The following TBC1D5 variants were observed in gnomAD, a reference collection of about 807,000 sequenced individuals.
TBC1D5 encodes TBC1 domain family, member 5.
A neutral mutation model predicts 100.3 loss-of-function variants in TBC1D5; 75 were observed. The ratio of observed to expected loss-of-function variants is 0.75; its 90% CI spans 0.62 to 0.91. The LOEUF (loss-of-function observed/expected upper bound fraction) is 0.91. Among genes scored for constraint, TBC1D5 ranks in the 40% least tolerant of loss-of-function variants. TBC1D5 has a pLI of 0.00. For missense variants in TBC1D5, 910 were observed against 942.4 expected, an observed-to-expected ratio of 0.97 and a Z score of 0.45; for synonymous variants, 323 against 325.6, an observed-to-expected ratio of 0.99 and a Z score of 0.09.
Position 17,677,818 on chromosome 3 carries a change from A to G in TBC1D5, c.-100-53905T>C, listed in dbSNP as rs374611359. On this transcript the variant is annotated intron_variant, in intron 1 of 21. Transcript: ENST00000253692. ...ACACCATGGAATACAATGCAGCCAT[A>G]AAAAATGATGAGTTCATGTCCTTTG... Among the ~76,000 whole-genome samples the G allele has an allele frequency of 6.8e-4, 103 of 152,348 alleles. No homozygotes were observed. The East Asian group carries it at 0.017, about 26-fold the overall frequency.
rs190237082 is a variant in TBC1D5, at chr3:17,263,296, G to C, written c.1246-4705C>G. On this transcript the variant is annotated intron_variant, in intron 15 of 21. Transcript: ENST00000253692. ...AGGTAGAACAGCTTGAGTCTGGGAG[G>C]AGGAAGTTGCAGTGAGCTAAGATTG... Among the ~76,000 whole-genome samples, 42 of 143,644 alleles carry C rather than the reference G, an allele frequency of 2.9e-4. No individual in the cohort carries two copies. The East Asian group carries it at 4.3e-3, about 15-fold the overall frequency. The allele number at this position is 143,644 out of a possible 152,430, so 94.2% of individuals were successfully genotyped here.
At chr3:17,490,473 T>G (rs1316964942) in intron 3 of TBC1D5, among the ~76,000 whole-genome samples, 3 of 152,220 alleles carry the variant, frequency 2.0e-5, no homozygotes, top group Non-Finnish European at 2.9e-5. Flanking sequence ...TTTCATAGTT[T>G]AAGTCTTTAA....
At chr3:17,721,922 C>T (rs2075742095) in intron 1 of TBC1D5, among the ~76,000 whole-genome samples, 1 of 151,868 alleles carries the variant, frequency 6.6e-6, no homozygotes, top group Admixed American at 6.6e-5. Context: ...GCAGAGATTG[C>T]AGTGAGCCGA....
At chr3:17,562,379 G>A (rs2096564814) in intron 2 of TBC1D5, among the ~76,000 whole-genome samples, 1 of 151,660 alleles carries the variant, frequency 6.6e-6, no homozygotes, top group African/African-American at 2.4e-5. Context: ...AATAGGTCAA[G>A]TAAAAGAAAT....
chr3:17,251,535 A>G (rs2077186371), intron 16 of TBC1D5, among the ~76,000 whole-genome samples: 1 of 145,078 alleles, frequency 6.9e-6, no homozygotes, highest in African/African-American at 2.5e-5. Context: ...ATGGGCTTTT[A>G]TTTGTGTTGC....
At chr3:17,209,141 A>G (rs1300250320) in intron 18 of TBC1D5, among the ~76,000 whole-genome samples, 3 of 152,098 alleles carry the variant, frequency 2.0e-5, no homozygotes, top group Admixed American at 2.0e-4. Flanking sequence ...TCATCTATGT[A>G]TCTATGTATC....
intron 13 of TBC1D5, among the ~76,000 whole-genome samples, chr3:17,335,821 A>C (rs1666559613): frequency 6.6e-6 from 1 of 152,148 alleles, no homozygotes; most frequent in South Asian, 2.1e-4. Context: ...GAAGAGACAA[A>C]GTATATATTC....
At chr3:17,287,831 G>A (rs541375563) in intron 15 of TBC1D5, among the ~76,000 whole-genome samples, 2 of 152,294 alleles carry the variant, frequency 1.3e-5, no homozygotes, top group East Asian at 3.9e-4. Context: ...GTAGGATAAA[G>A]CGCTTTTCTG....
intron 1 of TBC1D5, among the ~76,000 whole-genome samples, chr3:17,684,804 T>C (rs181531700): frequency 2.6e-5 from 4 of 152,182 alleles, no homozygotes; most frequent in African/African-American, 9.6e-5. Flanking sequence ...AACAGCCTGA[T>C]GTTTTCCCAA....
intron 13 of TBC1D5, among the ~76,000 whole-genome samples, chr3:17,311,152 T>A (rs1183019350): frequency 6.6e-6 from 1 of 152,032 alleles, no homozygotes; most frequent in Non-Finnish European, 1.5e-5. Context: ...AACATGCTTT[T>A]ATTGCAGTTA....
At chr3:17,170,629 CA>C (rs1249862896) in intron 19 of TBC1D5, among the ~76,000 whole-genome samples, 3 of 152,154 alleles carry the variant, frequency 2.0e-5, no homozygotes, top group Non-Finnish European at 4.4e-5. Context: ...GAACAAGGAC[CA>C]ACGGCCTTTA....
intron 2 of TBC1D5, chr3:17,576,313 A>G (rs1185082402): frequency 2.0e-5 from 3 of 152,114 alleles, no homozygotes; most frequent in East Asian, 1.9e-4. Flanking sequence ...GTGAGGCAGT[A>G]AAGTACAGAT....
rs9681386 is a variant in TBC1D5 at position 17,509,289 on chromosome 3, A to C, written c.-35-684T>G. Among the ~76,000 whole-genome samples the C allele has an allele frequency of 7.1e-3, 1,076 of 152,082 alleles. 12 individuals carry two copies. The highest frequency in any genetic ancestry group is 0.024 in the African/African-American group (991 of 41,556). On this transcript the variant is annotated intron_variant, in intron 2 of 21. Transcript: ENST00000253692. Reference sequence around the variant, plus strand: ...GTAAACAACATGTTTTCAGTTGTTCAATACTACAAACAGTCTCAAAAATAA... The same window carrying C: ...GTAAACAACATGTTTTCAGTTGTTCCATACTACAAACAGTCTCAAAAATAA...
rs147080351 is a variant in TBC1D5, at chr3:17,334,507, A to C, written c.996-26373T>G. ...AGCAGTTGCAGTGCAAAGATGGCTA[A>C]GTAACTTGACCAACATTACAGAGCT... On this transcript the variant is annotated intron_variant, in intron 13 of 21. Coordinates refer to ENST00000253692, the Ensembl canonical transcript of TBC1D5. Among the ~76,000 whole-genome samples, 448 of 152,230 alleles carry C rather than the reference A, an allele frequency of 2.9e-3. 1 individual carries two copies. The highest frequency in any genetic ancestry group is 9.4e-3 in the African/African-American group (391 of 41,548).
At chr3:17,331,480 A>G (rs917670026) in intron 13 of TBC1D5, among the ~76,000 whole-genome samples, 2 of 152,196 alleles carry the variant, frequency 1.3e-5, no homozygotes, top group African/African-American at 4.8e-5. Context: ...ACACTATACA[A>G]TGACGTATTA....
At chr3:17,608,134 G>C (rs141912320) in intron 2 of TBC1D5, among the ~76,000 whole-genome samples, 1 of 152,162 alleles carries the variant, frequency 6.6e-6, no homozygotes, top group East Asian at 1.9e-4. Context: ...GCGCGTGCCT[G>C]TAATCCCAGA....
intron 3 of TBC1D5, among the ~76,000 whole-genome samples, chr3:17,477,427 A>T (rs1397662723): frequency 6.6e-6 from 1 of 152,100 alleles, no homozygotes; most frequent in East Asian, 1.9e-4. Flanking sequence ...CAATTCTCTG[A>T]AAGAATTTTC....
At chr3:17,548,157 C>T (rs979437610) in intron 2 of TBC1D5, among the ~76,000 whole-genome samples, 4 of 151,868 alleles carry the variant, frequency 2.6e-5, no homozygotes, top group East Asian at 1.9e-4. Flanking sequence ...CTATTAAAAA[C>T]GCAAAAAATC....
intron 14 of TBC1D5, 29 bp from the exon 15 acceptor site, chr3:17,292,030 G>A (rs2081813440): frequency 1.9e-6 from 3 of 1,559,210 alleles, no homozygotes; most frequent in Non-Finnish European, 2.6e-6. Flanking sequence ...TAATTCAGAT[G>A]CAATACTATT....
Sources: gnomAD v4.1 joint callset for allele counts (sites outside exome capture counted in the v4.1 genomes callset) on GRCh38, gnomAD v4.1.1 for gene constraint, MANE v1.5 for transcripts, NCBI Gene and HGNC (gene_info 2026-07-23, HGNC 2026-07-21) for gene names.